ZC3H8: variants seen among roughly 807,000 people sequenced by gnomAD.
ZC3H8 encodes zinc finger CCCH domain-containing protein 8.
ZC3H8 carries 27 observed loss-of-function variants against 42.5 expected under a neutral mutation model. The ratio of observed to expected loss-of-function variants is 0.64; its 90% CI spans 0.47 to 0.88. The LOEUF (loss-of-function observed/expected upper bound fraction) is 0.88, where lower values mean the gene tolerates loss of function less well. Among genes scored for constraint, ZC3H8 ranks in the 40% least tolerant of loss-of-function variants. The pLI, the probability that ZC3H8 is intolerant of heterozygous loss-of-function variation, is 0.00. For missense variants in ZC3H8, 277 were observed against 336.1 expected (o/e 0.82, Z 1.37); for synonymous variants, 101 against 110.1 (o/e 0.92, Z 0.52).
At chr2:112,252,460 A>T (rs1685984002) in intron 1 of ZC3H8, among the ~76,000 whole-genome samples, 1 of 152,150 alleles carries the variant, frequency 6.6e-6, no homozygotes, top group Non-Finnish European at 1.5e-5. Flanking sequence ...GCACCCCTAC[A>T]TTCTACTCTC....
intron 2 of ZC3H8, among the ~76,000 whole-genome samples, chr2:112,244,224 C>T (rs889350780): frequency 1.3e-5 from 2 of 151,994 alleles, no homozygotes; most frequent in African/African-American, 4.8e-5. Flanking sequence ...TAAATTTCAC[C>T]TTTGTAACAC....
At chr2:112,218,345 T>C (rs1187514918) in intron 8 of ZC3H8, among the ~76,000 whole-genome samples, 1 of 152,182 alleles carries the variant, frequency 6.6e-6, no homozygotes, top group Non-Finnish European at 1.5e-5. Context: ...CAATGGAACA[T>C]AGACTCTTCT....
At chr2:112,222,131 G>GAGGA (rs1399392668) in intron 8 of ZC3H8, among the ~76,000 whole-genome samples, 7 of 152,098 alleles carry the variant, frequency 4.6e-5, no homozygotes, top group Admixed American at 4.6e-4. Flanking sequence ...CTGGGTCTTG[G>GAGGA]AGGAGCCCTC....
chr2:112,228,500 CAAA>C (rs1188593900), intron 8 of ZC3H8, among the ~76,000 whole-genome samples: 3 of 77,076 alleles, frequency 3.9e-5, no homozygotes, highest in Admixed American at 1.5e-4. Flanking sequence ...GACTCTGTCT[CAAA>C]AAAAAAAAAA....
chr2:112,223,015 G>A (rs1430338961), intron 8 of ZC3H8, among the ~76,000 whole-genome samples: 2 of 151,882 alleles, frequency 1.3e-5, no homozygotes, highest in African/African-American at 4.8e-5. Context: ...AATAAGAAAT[G>A]AGTGTTGACT....
At chr2:112,250,055 A>G in intron 2 of ZC3H8, 136 bp downstream of exon 2, 1 of 549,306 alleles carries the variant, frequency 1.8e-6, no homozygotes, top group Non-Finnish European at 3.0e-6. Flanking sequence ...AAATGCTGGT[A>G]AAATGAGACA....
intron 2 of ZC3H8, among the ~76,000 whole-genome samples, chr2:112,240,802 TTTG>T (rs1377168699): frequency 2.6e-5 from 4 of 152,226 alleles, no homozygotes; most frequent in East Asian, 1.9e-4. Context: ...ATTGCTTCAG[TTTG>T]TTGTTTTTTG....
chr2:112,253,362 C>A (rs565249807), intron 1 of ZC3H8, among the ~76,000 whole-genome samples: 1 of 152,186 alleles, frequency 6.6e-6, no homozygotes, highest in African/African-American at 2.4e-5. Flanking sequence ...GTGCTCAATA[C>A]GATTTTTTGA....
At chr2:112,221,038 T>C (rs1684561959) in intron 8 of ZC3H8, among the ~76,000 whole-genome samples, 1 of 152,238 alleles carries the variant, frequency 6.6e-6, no homozygotes, top group Non-Finnish European at 1.5e-5. Context: ...GACAATATCC[T>C]GAAATATGTT....
At chr2:112,249,108 A>C (rs1464237265) in intron 2 of ZC3H8, among the ~76,000 whole-genome samples, 2 of 152,176 alleles carry the variant, frequency 1.3e-5, no homozygotes, top group African/African-American at 4.8e-5. Flanking sequence ...TGGGAGGCTG[A>C]GAATTGCTTG....
chr2:112,237,079 A>C (rs1685366857), intron 3 of ZC3H8, among the ~76,000 whole-genome samples: 1 of 152,234 alleles, frequency 6.6e-6, no homozygotes, highest in South Asian at 2.1e-4. Context: ...TGGAAAAAAG[A>C]AGTATGATTT....
chr2:112,242,019 C>T (rs1397536485), intron 2 of ZC3H8, among the ~76,000 whole-genome samples: 1 of 152,198 alleles, frequency 6.6e-6, no homozygotes, highest in African/African-American at 2.4e-5. Context: ...ACTCACTCAC[C>T]ACCCAGTCAG....
intron 1 of ZC3H8, among the ~76,000 whole-genome samples, chr2:112,250,711 G>A (rs574307376): frequency 1.5e-3 from 227 of 152,240 alleles, no homozygotes; most frequent in Non-Finnish European, 2.7e-3. Context: ...TAAGTATAGG[G>A]GCATATATGG....
chr2:112,219,425 A>C (rs184189296), intron 8 of ZC3H8, among the ~76,000 whole-genome samples: 215 of 152,316 alleles, frequency 1.4e-3, no homozygotes, highest in African/African-American at 4.9e-3. Context: ...ACATACACAA[A>C]TTAGCACAAA....
At chr2:112,250,590 G>A (rs924297460) in intron 1 of ZC3H8, among the ~76,000 whole-genome samples, 11 of 152,152 alleles carry the variant, frequency 7.2e-5, no homozygotes, top group Admixed American at 3.3e-4. Context: ...ACGAGGCTCC[G>A]GGCCTTAGGC....
At chr2:112,220,861 T>A (rs563768191) in intron 8 of ZC3H8, among the ~76,000 whole-genome samples, 1 of 152,240 alleles carries the variant, frequency 6.6e-6, no homozygotes, top group African/African-American at 2.4e-5. Context: ...GTGACCTGCC[T>A]CTTCTCTCCA....
At chr2:112,224,095 A>T (rs559249066) in intron 8 of ZC3H8, among the ~76,000 whole-genome samples, 106 of 152,276 alleles carry the variant, frequency 7.0e-4, no homozygotes, top group Non-Finnish European at 1.1e-3. Context: ...GCTGAGATAG[A>T]TAATGCCACT....
chr2:112,226,317 G>A (rs1384174402), intron 8 of ZC3H8, among the ~76,000 whole-genome samples: 2 of 151,628 alleles, frequency 1.3e-5, no homozygotes, highest in Non-Finnish European at 2.9e-5. Context: ...GGCTGGGCGC[G>A]GTAGCTCACG....
chr2:112,233,141 T>C (rs1685165304), intron 6 of ZC3H8, 119 bp downstream of exon 6: 2 of 594,708 alleles, frequency 3.4e-6, no homozygotes, highest in East Asian at 3.3e-5. Flanking sequence ...TGATACTAAG[T>C]TGGGCTTGGA....
Sources: allele counts gnomAD v4.1 joint callset (sites outside exome capture counted in the v4.1 genomes callset), GRCh38; gene constraint gnomAD v4.1.1; transcripts MANE v1.5; gene names NCBI Gene and HGNC (gene_info 2026-07-23, HGNC 2026-07-21).